The following CD163 variants were observed in gnomAD, a reference collection of about 807,000 sequenced individuals.
The protein encoded by CD163 is CD163 molecule, also known as scavenger receptor cysteine-rich type 1 protein M130.
In CD163, 64 loss-of-function variants were observed where a neutral mutation model predicts 129.2. That is an observed-to-expected ratio of 0.50 (90% CI 0.41 to 0.61). The LOEUF is 0.61. CD163 is among the 20% of genes least tolerant of loss of function. The pLI is 0.00. For synonymous variants in CD163, 446 were observed against 478.5 expected, an observed-to-expected ratio of 0.93 and a Z score of 0.89; for missense variants, 1,061 against 1,377.9, an observed-to-expected ratio of 0.77 and a Z score of 3.64.
intron 16 of CD163, among the ~76,000 whole-genome samples, chr12:7,478,027 A>C (rs1223500855): frequency 6.6e-6 from 1 of 152,150 alleles, no homozygotes; most frequent in African/African-American, 2.4e-5. Context: ...ATGGAATATT[A>C]TTATATTTTA....
At position 7,502,490 on chromosome 12, in the gene CD163, T is replaced by A; in HGVS notation, c.121A>T (p.Thr41Ser). 1 of 1,595,540 alleles carries A rather than the reference T, an allele frequency of 6.3e-7. No homozygotes were observed. Among genetic ancestry groups the A allele is most frequent in the Non-Finnish European group, 8.6e-7 (1 of 1,163,148 alleles). ...ACAAAGTACTCACCAAGAGAACTGG[T>A]GACAAAACAGGCACTGAGAAGTAAG... ...VVLLLSACFV[T>S]SSLGGTDKEL... is the part of the protein sequence containing the mutation. Residue 41 changes from threonine to serine, a missense_variant, in exon 2 of 17, where the codon ACC (threonine) becomes TCC (serine). Physicochemically the swap from Thr to Ser is moderately conservative, Grantham distance 58. Coordinates refer to ENST00000432237, the MANE Select transcript of CD163 (RefSeq NM_203416.4).
intron 3 of CD163, 129 bp downstream of exon 3, chr12:7,501,010 G>A: frequency 1.3e-6 from 1 of 741,312 alleles, no homozygotes; most frequent in Non-Finnish European, 2.2e-6. Flanking sequence ...TTCTAGCAAT[G>A]GATGGAGTAC....
At chr12:7,502,670 G>C in intron 1 of CD163, 106 bp from the exon 2 acceptor site, 2 of 696,960 alleles carry the variant, frequency 2.9e-6, no homozygotes, top group Non-Finnish European at 5.2e-6. Flanking sequence ...AACCAAGACA[G>C]AAAACTCTTC....
At chr12:7,488,598 T>G (rs1245823946) in intron 6 of CD163, among the ~76,000 whole-genome samples, 1 of 152,196 alleles carries the variant, frequency 6.6e-6, no homozygotes, top group Non-Finnish European at 1.5e-5. Context: ...TGTCCCATTT[T>G]CTCCTCCATT....
chr12:7,501,362 A>G lies in CD163; in HGVS notation c.234T>C (p.Asn78=), dbSNP rs911429438. The G allele has an allele frequency of 3.1e-6, 5 of 1,614,024 alleles. No individual in the cohort carries two copies. Among genetic ancestry groups the G allele is most frequent in the Non-Finnish European group, 4.2e-6 (5 of 1,180,036 alleles). Residue 78 remains asparagine, a synonymous_variant, in exon 3 of 17, where the codon AAT becomes AAC. Coordinates refer to ENST00000432237, the MANE Select transcript of CD163 (RefSeq NM_203416.4). ...CAGAGACCGCTTCCATGCTCCAGCC[A>G]TTATTACACACCGTTCCCCACTCCT... ...VQEEWGTVCN[N]GWSMEAVSVI...
intron 16 of CD163, among the ~76,000 whole-genome samples, chr12:7,475,144 A>AATTCTACC (rs1214057099): frequency 2.0e-5 from 3 of 150,114 alleles, no homozygotes; most frequent in Non-Finnish European, 4.4e-5. Flanking sequence ...TTCACAGCCA[A>AATTCTACC]ATTCTACCAG....
rs772644777 is a variant in CD163, at chr12:7,491,441, TCTGA to T, written c.1421-3358_1421-3355del. Among the ~76,000 whole-genome samples the T allele has an allele frequency of 8.7e-4, 133 of 152,212 alleles. 5 individuals carry two copies. In the East Asian group the frequency reaches 0.023, roughly 26 times the overall value. On this transcript the variant is annotated intron_variant, in intron 6 of 16. Coordinates refer to ENST00000432237, the MANE Select transcript of CD163 (RefSeq NM_203416.4). Reference sequence around the variant, plus strand: ...TTAATGGATTTTTTTCTGCTAAGTCTCTGACTGTGTTTTTACATAAAAACCATTA... The same window carrying T: ...TTAATGGATTTTTTTCTGCTAAGTCTCTGTGTTTTTACATAAAAACCATTA...
chr12:7,496,918 T>C lies in CD163; in HGVS notation c.994A>G (p.Ser332Gly). Reference protein sequence around the residue: ...SKGFGHIWLDSVSCQGHEPAI... With the variant: ...SKGFGHIWLDGVSCQGHEPAI... ...GGTTCATGTCCCTGGCAAGAAACGC[T>C]GTCAAGCCAGATGTGTCCAAATCCC... Residue 332 changes from serine to glycine, a missense_variant, in exon 5 of 17, where the codon AGC becomes GGC. Physicochemically the swap from Ser to Gly is moderately conservative, Grantham distance 56. Coordinates refer to ENST00000432237, the MANE Select transcript of CD163 (RefSeq NM_203416.4). The surrounding 1 kb of genome is among the most constrained non-coding windows in gnomAD (Gnocchi z 4.8). The C allele has an allele frequency of 6.2e-7, 1 of 1,614,168 alleles. No homozygotes were observed.
At chr12:7,499,227 C>T in intron 3 of CD163, 39 bp from the exon 4 acceptor site, 1 of 1,519,646 alleles carries the variant, frequency 6.6e-7, no homozygotes, top group South Asian at 1.2e-5. Flanking sequence ...AAGTTACATT[C>T]ATTTAGAAGT....
intron 6 of CD163, among the ~76,000 whole-genome samples, chr12:7,490,695 C>A (rs1949315705): frequency 6.6e-6 from 1 of 151,926 alleles, no homozygotes; most frequent in African/African-American, 2.4e-5. Flanking sequence ...TCACCTGATA[C>A]AAAAATGTCT....
chr12:7,493,383 G>GC (rs1949351239), intron 6 of CD163, among the ~76,000 whole-genome samples: 1 of 152,142 alleles, frequency 6.6e-6, no homozygotes, highest in Non-Finnish European at 1.5e-5. Context: ...TCACTGAGCT[G>GC]CGGGGTGGCT....
rs1483678800 is a variant in CD163 at position 7,497,089 on chromosome 12, A to G, written c.823T>C (p.Cys275Arg). Residue 275 changes from cysteine (C) to arginine (R), a missense_variant, in exon 5 of 17, where the codon TGT becomes CGT. By Grantham distance (180) the Cys-to-Arg change is radical. Transcript: ENST00000432237. ...SLRLVDGVTECSGRLEVRFQG... is the reference protein window; with the variant it reads ...SLRLVDGVTERSGRLEVRFQG... The stretch of plus-strand genomic sequence containing the variant: ...AATCTCACTTCTAATCTTCCTGAAC[A>G]TTCAGTGACTCCATCTACCAGTCTC... The G allele has an allele frequency of 6.2e-7, 1 of 1,614,086 alleles. No individual in the cohort carries two copies. The highest frequency in any genetic ancestry group is 2.2e-5 in the East Asian group (1 of 44,874).
At chr12:7,480,977 C>T (rs1163654097) in intron 15 of CD163, 184 bp downstream of exon 15, 2 of 1,320,568 alleles carry the variant, frequency 1.5e-6, no homozygotes, top group African/African-American at 3.0e-5. Flanking sequence ...AAAGGCCTCC[C>T]TATGATTGCA....
rs905885266 is a variant in CD163, at chr12:7,501,159, T to A, written c.437A>T (p.Asp146Val). The change falls in exon 3 of 17, where the codon GAT (aspartate) becomes GTT (valine). Residue 146 changes from aspartate to valine, a missense_variant. Asp to Val is a radical substitution (Grantham distance 152). Coordinates refer to ENST00000432237, the MANE Select transcript of CD163 (RefSeq NM_203416.4). ...CTTACCTGAGCAGGTCACTCCAGCA[T>A]CTTGTTGGTGAGTACAGTTACTATG... ...GKHSNCTHQQDAGVTCSDGSN... is the reference protein window; with the variant it reads ...GKHSNCTHQQVAGVTCSDGSN... 2 of 1,614,038 alleles carry A rather than the reference T, an allele frequency of 1.2e-6. No individual in the cohort carries two copies. The highest frequency in any genetic ancestry group is 1.7e-6 in the Non-Finnish European group (2 of 1,180,016).
At position 7,485,157 on chromosome 12, in the gene CD163, T is replaced by C; in HGVS notation, c.2718A>G (p.Pro906=). The C allele has an allele frequency of 6.2e-7, 1 of 1,614,082 alleles. No individual in the cohort carries two copies. The highest frequency in any genetic ancestry group is 8.5e-7 in the Non-Finnish European group (1 of 1,179,940). ...CCAGTCTCTTCTCCCATGGAGATGA[T>C]GGGCACTGCCACAGCGTGTCAGGTC... is the stretch of plus-strand genomic sequence containing the variant. The part of the protein sequence containing the change: ...PKGPDTLWQC[P]SSPWEKRLAS... The change falls in exon 11 of 17, where the codon CCA becomes CCG. Residue 906 remains proline, a synonymous_variant. Transcript: ENST00000432237. This position sits in a 1 kb window ranked among gnomAD's most constrained non-coding sequence, Gnocchi z 4.5.
intron 6 of CD163, among the ~76,000 whole-genome samples, chr12:7,488,552 T>C (rs1291576644): frequency 6.6e-6 from 1 of 152,180 alleles, no homozygotes; most frequent in Non-Finnish European, 1.5e-5. Context: ...CTTCTTCCTT[T>C]TGACGTCTGT....
Position 7,496,766 on chromosome 12 carries a change from C to T in CD163, c.1099+47G>A, listed in dbSNP as rs1483774076. 1.9e-6 allele frequency: 3 copies of T among 1,560,254 alleles called. No individual in the cohort carries two copies. The highest frequency in any genetic ancestry group is 2.6e-6 in the Non-Finnish European group (3 of 1,132,890). On this transcript the variant is annotated intron_variant, in intron 5 of 16. Transcript: ENST00000432237. This position sits in a 1 kb window ranked among gnomAD's most constrained non-coding sequence, Gnocchi z 4.8. ...AGGAGCACAGGACTTTCCGTTTCTG[C>T]TTTTCTTTTTGTTTAGTGTTTTGGT... is the stretch of plus-strand genomic sequence containing the variant.
In CD163 at chr12:7,487,529, C is replaced by A; in HGVS notation, c.1880G>T (p.Gly627Val). 6.2e-7 allele frequency: 1 copy of A among 1,614,140 alleles called. No individual in the cohort carries two copies. Among genetic ancestry groups the A allele is most frequent in the Non-Finnish European group, 8.5e-7 (1 of 1,180,036 alleles). The change falls in exon 8 of 17, where the codon GGA becomes GTA. Residue 627 changes from glycine (G) to valine (V), a missense_variant. Coordinates refer to ENST00000432237, the MANE Select transcript of CD163 (RefSeq NM_203416.4). The surrounding 1 kb of genome is among the most constrained non-coding windows in gnomAD (Gnocchi z 5.1). ...AHVLCQQLKC[G>V]VALSTPGGAR... ...TCCTCCTGGGGTAGAAAGGGCAACTCCACATTTAAGCTGCTGGCAAAGAAC... is the reference window on the plus strand; with the variant it reads ...TCCTCCTGGGGTAGAAAGGGCAACTACACATTTAAGCTGCTGGCAAAGAAC...
chr12:7,475,050 C>A (rs1949065708), intron 16 of CD163, among the ~76,000 whole-genome samples: 2 of 126,424 alleles, frequency 1.6e-5, no homozygotes, highest in South Asian at 2.5e-4. Context: ...TCTGACTAGA[C>A]CAATAACAAG....
Sources: allele counts gnomAD v4.1 joint callset (sites outside exome capture counted in the v4.1 genomes callset), GRCh38; gene constraint gnomAD v4.1.1; non-coding constraint Gnocchi (gnomAD v3.1); transcripts MANE v1.5; gene names NCBI Gene and HGNC (gene_info 2026-07-23, HGNC 2026-07-21).